ADGRL2: variants seen among roughly 807,000 people sequenced by gnomAD.
ADGRL2 encodes the protein adhesion G protein-coupled receptor L2, also known as calcium-independent alpha-latrotoxin receptor 2.
ADGRL2 carries 44 observed loss-of-function variants against 157.4 expected under a neutral mutation model. The ratio of observed to expected loss-of-function variants is 0.28; its 90% CI spans 0.22 to 0.36. ADGRL2 has a LOEUF of 0.36. Among genes scored for constraint, ADGRL2 ranks in the 10% least tolerant of loss-of-function variants. ADGRL2 has a pLI of 1.00. For missense variants in ADGRL2, 1,510 were observed against 1,768.9 expected, an observed-to-expected ratio of 0.85 and a Z score of 2.63; for synonymous variants, 585 against 624.7, an observed-to-expected ratio of 0.94 and a Z score of 0.95.
chr1:81,426,755 G>C (rs1364528872), intron 1 of ADGRL2: 1 of 462,906 alleles, frequency 2.2e-6, no homozygotes, highest in African/African-American at 2.0e-5. Flanking sequence ...ACACAGGTTG[G>C]TGGGTGTCTA....
At chr1:81,609,190 C>T (rs2081492623) in intron 3 of ADGRL2, among the ~76,000 whole-genome samples, 2 of 152,088 alleles carry the variant, frequency 1.3e-5, no homozygotes, top group Non-Finnish European at 2.9e-5. Context: ...CAGCTGCGTG[C>T]CACCACACCT....
upstream of ADGRL2, among the ~76,000 whole-genome samples, chr1:81,696,159 A>G (rs2083438820): frequency 6.6e-6 from 1 of 152,108 alleles, no homozygotes; most frequent in Admixed American, 6.6e-5. Flanking sequence ...AGGCAAAAAT[A>G]GTCATCTTTT....
At position 81,669,258 on chromosome 1, in the gene ADGRL2, T is replaced by C. The variant is rs143930056; in HGVS notation, c.-143+88278T>C. 4.5e-3 allele frequency among the ~76,000 whole-genome samples: 683 copies of C among 152,182 alleles called. 6 individuals are homozygous for C. The highest frequency in any genetic ancestry group is 0.015 in the African/African-American group (623 of 41,534). ...AATTGAGGCGGATGTGCTTTTATTA[T>C]AAGACTTTTAGCCGCCACTGAGGCA... is the stretch of plus-strand genomic sequence containing the variant. On this transcript the variant is annotated intron_variant, in intron 3 of 24. Coordinates refer to the ADGRL2 transcript ENST00000370721.
At chr1:81,663,449 C>T (rs1315137933) in intron 3 of ADGRL2, among the ~76,000 whole-genome samples, 3 of 152,116 alleles carry the variant, frequency 2.0e-5, no homozygotes, top group South Asian at 2.1e-4. Context: ...GTATGACTCT[C>T]GGGAATGCTT....
chr1:81,936,918 A>G (rs764810105), intron 4 of ADGRL2, 81 bp downstream of exon 4: 20 of 865,058 alleles, frequency 2.3e-5, no homozygotes, highest in African/African-American at 3.3e-5. Flanking sequence ...TGAAAGAAGC[A>G]TATGTTTATG....
At chr1:81,560,051 C>T (rs1051474812) in intron 2 of ADGRL2, among the ~76,000 whole-genome samples, 1 of 152,258 alleles carries the variant, frequency 6.6e-6, no homozygotes, top group South Asian at 2.1e-4. Context: ...AGAAGAGATA[C>T]CTTTTTTTAA....
chr1:81,545,983 C>T (rs893670882), intron 2 of ADGRL2, among the ~76,000 whole-genome samples: 1 of 152,156 alleles, frequency 6.6e-6, no homozygotes, highest in African/African-American at 2.4e-5. Context: ...AGGCCTGGAT[C>T]AGCTGTTTAT....
intron 2 of ADGRL2, among the ~76,000 whole-genome samples, chr1:81,539,157 G>T (rs901811383): frequency 6.6e-6 from 1 of 152,092 alleles, no homozygotes; most frequent in Non-Finnish European, 1.5e-5. Context: ...ATCAAGAAAT[G>T]TCCAGCAGTT....
At chr1:81,502,145 T>G (rs2078866658) in intron 2 of ADGRL2, 1 of 1,595,802 alleles carries the variant, frequency 6.3e-7, no homozygotes. Flanking sequence ...TTCAAAATAT[T>G]TTCATGTGCA....
chr1:81,424,754 A>G (rs1171306182), intron 1 of ADGRL2, among the ~76,000 whole-genome samples: 1 of 152,068 alleles, frequency 6.6e-6, no homozygotes, highest in Non-Finnish European at 1.5e-5. Flanking sequence ...TTTTATTCTT[A>G]CCCTCCAGTG....
chr1:81,398,155 A>G (rs963222187), intron 1 of ADGRL2, among the ~76,000 whole-genome samples: 3 of 152,040 alleles, frequency 2.0e-5, no homozygotes, highest in African/African-American at 4.8e-5. Context: ...TTCCATTTGC[A>G]TGGAATATCT....
chr1:81,317,215 A>T (rs1660166832), intron 1 of ADGRL2, among the ~76,000 whole-genome samples: 1 of 152,138 alleles, frequency 6.6e-6, no homozygotes, highest in Admixed American at 6.5e-5. Flanking sequence ...TTCTTCCCAA[A>T]ATGTCAGTAG....
chr1:81,419,622 C>T (rs953048051), intron 1 of ADGRL2, among the ~76,000 whole-genome samples: 2 of 152,180 alleles, frequency 1.3e-5, no homozygotes, highest in African/African-American at 4.8e-5. Flanking sequence ...TTGGAAAATG[C>T]ATAAATATCT....
intron 2 of ADGRL2, among the ~76,000 whole-genome samples, chr1:81,453,198 TAAC>T (rs1235824747): frequency 6.6e-6 from 1 of 152,168 alleles, no homozygotes; most frequent in East Asian, 1.9e-4. Context: ...ACTAACTGCA[TAAC>T]AACTCACAGC....
chr1:81,820,559 G>A (rs1325930857), intron 1 of ADGRL2, among the ~76,000 whole-genome samples: 1 of 150,846 alleles, frequency 6.6e-6, no homozygotes, highest in African/African-American at 2.4e-5. Flanking sequence ...TTTTTTGGGG[G>A]GAAGACTCTT....
rs1179270788 is a variant in ADGRL2, at chr1:81,943,890, A to G, written c.1210+121A>G. The G allele has an allele frequency of 1.4e-6, 1 of 719,876 alleles. No individual in the cohort carries two copies. Among genetic ancestry groups the G allele is most frequent in the Non-Finnish European group, 2.3e-6 (1 of 438,240 alleles). The allele number at this position is 719,876 out of a possible 1,614,324, so 44.6% of individuals were successfully genotyped here. On this transcript the variant is annotated intron_variant, in intron 6 of 23. Transcript: ENST00000686636. The surrounding 1 kb of genome is among the most constrained non-coding windows in gnomAD (Gnocchi z 5.6). Reference sequence around the variant, plus strand: ...TTTCATAGTTAAAGGACAAAGGACAATGTTGTGGTACATTTTAGCCTTATT... The same window carrying G: ...TTTCATAGTTAAAGGACAAAGGACAGTGTTGTGGTACATTTTAGCCTTATT...
intron 1 of ADGRL2, among the ~76,000 whole-genome samples, chr1:81,755,981 G>T (rs1205287955): frequency 6.6e-6 from 1 of 151,974 alleles, no homozygotes; most frequent in Non-Finnish European, 1.5e-5. Flanking sequence ...TTTTAACAAG[G>T]TCCCCAGGTA....
chr1:81,314,325 G>A (rs1359806108), intron 1 of ADGRL2, among the ~76,000 whole-genome samples: 5 of 152,158 alleles, frequency 3.3e-5, no homozygotes, highest in Admixed American at 2.0e-4. Context: ...GTGTGTGTAT[G>A]GAAGACAAAG....
intron 1 of ADGRL2, among the ~76,000 whole-genome samples, chr1:81,376,498 T>C (rs1218579115): frequency 2.6e-5 from 4 of 152,104 alleles, no homozygotes; most frequent in African/African-American, 7.2e-5. Flanking sequence ...TCTCGCCATG[T>C]CCTTTTTTTC....
Sources: allele counts gnomAD v4.1 joint callset (sites outside exome capture counted in the v4.1 genomes callset), GRCh38; gene constraint gnomAD v4.1.1; non-coding constraint Gnocchi (gnomAD v3.1); transcripts MANE v1.5; gene names NCBI Gene and HGNC (gene_info 2026-07-23, HGNC 2026-07-21).